KY: variants seen among roughly 807,000 people sequenced by gnomAD.
KY encodes kyphoscoliosis peptidase.
Under a neutral mutation model 76.1 loss-of-function variants are expected in KY, and 43 were observed. That is an observed-to-expected ratio of 0.57 (90% CI 0.44 to 0.73). KY has a LOEUF of 0.73. Among genes scored for constraint, KY ranks in the 30% least tolerant of loss-of-function variants. KY has a pLI of 0.00. For missense variants in KY, 722 were observed against 828.9 expected (o/e 0.87, Z 1.58); for synonymous variants, 277 against 326.2 (o/e 0.85, Z 1.63).
At chr3:134,635,429 G>A (rs146134807) in intron 3 of KY, among the ~76,000 whole-genome samples, 2,920 of 149,782 alleles carry the variant, frequency 0.019, 45 homozygotes, top group Non-Finnish European at 0.029. Context: ...CCTGGGAGGC[G>A]GAGGTTGCAG....
intron 10 of KY, among the ~76,000 whole-genome samples, chr3:134,605,248 G>T (rs1560097515): frequency 6.6e-6 from 1 of 152,124 alleles, no homozygotes; most frequent in East Asian, 1.9e-4. Context: ...GTCCCTCCTG[G>T]CTTCCAGGGC....
At chr3:134,649,956 G>A (rs1276745625) in intron 1 of KY, among the ~76,000 whole-genome samples, 1 of 152,204 alleles carries the variant, frequency 6.6e-6, no homozygotes, top group Non-Finnish European at 1.5e-5. Flanking sequence ...AACTCCTAAA[G>A]AACTGGCCCG....
At chr3:134,639,227 G>A (rs115705182) in intron 3 of KY, among the ~76,000 whole-genome samples, 1,523 of 152,290 alleles carry the variant, frequency 0.01, 31 homozygotes, top group African/African-American at 0.035. Flanking sequence ...GTGGAAAGCA[G>A]TGACATCCCA....
intron 8 of KY, 119 bp downstream of exon 8, chr3:134,619,029 C>A: frequency 1.3e-6 from 1 of 782,694 alleles, no homozygotes; most frequent in Non-Finnish European, 2.2e-6. Flanking sequence ...ACTTGGGTTC[C>A]AGAGCAGAGT....
intron 3 of KY, among the ~76,000 whole-genome samples, chr3:134,631,210 T>A (rs984519771): frequency 1.3e-5 from 2 of 152,116 alleles, no homozygotes; most frequent in African/African-American, 4.8e-5. Flanking sequence ...GCAAAAGACA[T>A]AAAACCTTAC....
Position 134,604,440 on chromosome 3 carries a change from G to C in KY, c.1125C>G (p.Cys375Trp), listed in dbSNP as rs759535501. The C allele has an allele frequency of 1.2e-6, 2 of 1,612,700 alleles. No individual in the cohort carries two copies. The highest frequency in any genetic ancestry group is 1.7e-6 in the Non-Finnish European group (2 of 1,179,338). Residue 375 changes from cysteine (C) to tryptophan (W), a missense_variant, in exon 11 of 11, where the codon TGC becomes TGG. Physicochemically the swap from Cys to Trp is radical, Grantham distance 215 (BLOSUM62 -2). This residue lies in a region of KY where 552 missense variants were observed against 680.9 expected (regional missense o/e 0.81). Coordinates refer to ENST00000423778, the MANE Select transcript of KY (RefSeq NM_178554.6). ...GCATGAACATGAACAGCGTCGGGGC[G>C]CAGCTCTCAATGGTGACCGTGGCCT... The part of the protein sequence containing the change: ...NGKATVTIES[C>W]APTLFMFMLN...
chr3:134,636,057 T>A (rs1487258463), intron 3 of KY, among the ~76,000 whole-genome samples: 1 of 152,242 alleles, frequency 6.6e-6, no homozygotes, highest in African/African-American at 2.4e-5. Context: ...TTTACAGTTT[T>A]GCTATTAGAA....
At chr3:134,647,902 C>A (rs1966619729) in intron 1 of KY, among the ~76,000 whole-genome samples, 1 of 152,204 alleles carries the variant, frequency 6.6e-6, no homozygotes. Flanking sequence ...GGGGAGTGGG[C>A]TAAGACCGTC....
chr3:134,604,066 T>C lies in KY; in HGVS notation c.1499A>G (p.Asp500Gly), dbSNP rs780203450. ...INVLASLHGD[D>G]GPITEETQRR... Reference sequence around the variant, plus strand: ...CTGTGTCTCCTCAGTGATGGGGCCATCATCCCCGTGGAGGGAAGCCAGGAC... The same window carrying C: ...CTGTGTCTCCTCAGTGATGGGGCCACCATCCCCGTGGAGGGAAGCCAGGAC... The change falls in exon 11 of 11, where the codon GAT (aspartate) becomes GGT (glycine). Residue 500 changes from aspartate (D) to glycine (G), a missense_variant. Physicochemically the swap from Asp to Gly is moderately conservative, Grantham distance 94 (BLOSUM62 -1). Around this residue, in one of 2 missense-constraint regions of KY, gnomAD observed 552 missense variants for 680.9 expected, o/e 0.81. Transcript: ENST00000423778. The C allele has an allele frequency of 8.7e-6, 14 of 1,613,864 alleles. No homozygotes were observed. Among genetic ancestry groups the C allele is most frequent in the Non-Finnish European group, 1.2e-5 (14 of 1,179,810 alleles).
intron 2 of KY, among the ~76,000 whole-genome samples, chr3:134,644,871 C>A (rs1455411253): frequency 6.6e-6 from 1 of 152,230 alleles, no homozygotes; most frequent in Non-Finnish European, 1.5e-5. Flanking sequence ...GAGCCCCACA[C>A]TAGTCAGCCA....
intron 3 of KY, among the ~76,000 whole-genome samples, chr3:134,640,444 A>G (rs1208261417): frequency 6.6e-6 from 1 of 152,124 alleles, no homozygotes; most frequent in Non-Finnish European, 1.5e-5. Flanking sequence ...GTGGTTGTGG[A>G]GATTAAATGA....
chr3:134,605,566 C>T (rs1271435964), intron 10 of KY, among the ~76,000 whole-genome samples: 2 of 152,290 alleles, frequency 1.3e-5, no homozygotes, highest in South Asian at 2.1e-4. Context: ...GGGGAGGCTG[C>T]TTAGACAGCC....
At chr3:134,627,634 C>A (rs1963636881) in intron 5 of KY, 122 bp downstream of exon 5, 3 of 808,344 alleles carry the variant, frequency 3.7e-6, no homozygotes, top group Non-Finnish European at 6.3e-6. Context: ...CCTCCTGAAC[C>A]CAAAGGTGGC....
intron 3 of KY, among the ~76,000 whole-genome samples, chr3:134,637,473 C>A (rs1026702520): frequency 6.6e-6 from 1 of 152,198 alleles, no homozygotes; most frequent in African/African-American, 2.4e-5. Flanking sequence ...ACACAATGAT[C>A]TGAGTAGTCC....
chr3:134,601,368 A>G lies in KY; in HGVS notation c.*2211T>C, dbSNP rs1025637686. 6.6e-6 allele frequency among the ~76,000 whole-genome samples: 1 copy of G among 152,124 alleles called. No homozygotes were observed. Among genetic ancestry groups the G allele is most frequent in the Admixed American group, 6.5e-5 (1 of 15,276 alleles). On this transcript the variant is annotated 3_prime_UTR_variant, in exon 11 of 11. Transcript: ENST00000423778. ...GTGGCATTCTCTGCAATGCTCCAGG[A>G]TGTATTGATTAATTATATTGCATAT...
intron 1 of KY, among the ~76,000 whole-genome samples, chr3:134,648,934 G>C (rs1025895415): frequency 2.0e-5 from 3 of 152,178 alleles, no homozygotes; most frequent in African/African-American, 7.2e-5. Flanking sequence ...GCAAGAGTTT[G>C]TTTTATATCT....
At chr3:134,612,657 GA>G (rs1960694395) in intron 8 of KY, among the ~76,000 whole-genome samples, 2 of 152,156 alleles carry the variant, frequency 1.3e-5, no homozygotes, top group South Asian at 4.2e-4. Context: ...GAAATGTTGT[GA>G]AAAATATTTA....
At chr3:134,617,436 T>G (rs944014311) in intron 8 of KY, among the ~76,000 whole-genome samples, 1 of 151,408 alleles carries the variant, frequency 6.6e-6, no homozygotes, top group Non-Finnish European at 1.5e-5. Flanking sequence ...GCAGGGGAGG[T>G]AGAAGGAGAG....
At chr3:134,606,762 C>A (rs558325759) in intron 10 of KY, among the ~76,000 whole-genome samples, 1 of 152,152 alleles carries the variant, frequency 6.6e-6, no homozygotes, top group East Asian at 1.9e-4. Flanking sequence ...AAATAAAGGA[C>A]TAGCCACCCC....
Sources: allele counts gnomAD v4.1 joint callset (sites outside exome capture counted in the v4.1 genomes callset), GRCh38; gene constraint gnomAD v4.1.1; regional missense constraint gnomAD v4.1.1; transcripts MANE v1.5; gene names NCBI Gene and HGNC (gene_info 2026-07-23, HGNC 2026-07-21).